ELL2: variants seen among roughly 807,000 people sequenced by gnomAD.
The protein encoded by ELL2 is RNA polymerase II elongation factor ELL2.
A neutral mutation model predicts 72.8 loss-of-function variants in ELL2; 21 were observed. That is an observed-to-expected ratio of 0.29 (90% confidence interval 0.20 to 0.42). The LOEUF (loss-of-function observed/expected upper bound fraction) is 0.42, where lower values mean the gene tolerates loss of function less well. Ranked by LOEUF, ELL2 falls within the 10% of genes least tolerant of loss-of-function variation. ELL2 has a pLI of 1.00. For synonymous variants in ELL2, 266 were observed against 283.2 expected (o/e 0.94, Z 0.61); for missense variants, 568 against 772.8 (o/e 0.73, Z 3.14).
intron 2 of ELL2, among the ~76,000 whole-genome samples, chr5:95,939,762 T>C (rs1750903567): frequency 6.6e-6 from 1 of 152,234 alleles, no homozygotes; most frequent in African/African-American, 2.4e-5. Context: ...GATCAGTAGA[T>C]ACAACTATCT....
intron 10 of ELL2, among the ~76,000 whole-genome samples, chr5:95,890,630 C>A (rs1452711994): frequency 2.6e-5 from 4 of 152,168 alleles, no homozygotes; most frequent in African/African-American, 9.7e-5. Context: ...AAGCAGCAAA[C>A]TTCTTTACTT....
At chr5:95,934,702 A>G (rs542975641) in intron 2 of ELL2, among the ~76,000 whole-genome samples, 1 of 152,344 alleles carries the variant, frequency 6.6e-6, no homozygotes, top group African/African-American at 2.4e-5. Context: ...CTAGCTCTAG[A>G]TAACAAGACC....
Position 95,919,594 on chromosome 5 carries a change from T to C in ELL2, c.196-49A>G, listed in dbSNP as rs974191138. ...AACGCCTCAAATTATAAATTTGCCATAGAAAAGTCTTAAGACTGACTTACT... is the reference window on the plus strand; with the variant it reads ...AACGCCTCAAATTATAAATTTGCCACAGAAAAGTCTTAAGACTGACTTACT... On this transcript the variant is annotated intron_variant, in intron 2 of 11. Transcript: ENST00000237853. 4 of 1,521,536 alleles carry C rather than the reference T, an allele frequency of 2.6e-6. No individual in the cohort carries two copies. The African/African-American group carries it at 5.7e-5, about 22-fold the overall frequency. 94.3% of individuals were successfully genotyped at this position (1,521,536 alleles called of 1,614,324 possible). A position where few individuals can be genotyped will look rare whatever the true frequency, so the allele number is the denominator to read the frequency against.
In ELL2 at chr5:95,943,060, A is replaced by G. The variant is rs1479480224; in HGVS notation, c.148-11T>C. On this transcript the variant is annotated splice_polypyrimidine_tract_variant and intron_variant, in intron 1 of 11. Transcript: ENST00000237853. Reference sequence around the variant, plus strand: ...AAAAGGAATTAAATTCTATTAAAAGAAACAAAAGAAACAAACAGGTAAACC... The same window carrying G: ...AAAAGGAATTAAATTCTATTAAAAGGAACAAAAGAAACAAACAGGTAAACC... The G allele has an allele frequency of 2.5e-6, 4 of 1,596,258 alleles. No individual in the cohort carries two copies. Among genetic ancestry groups the G allele is most frequent in the Non-Finnish European group, 3.4e-6 (4 of 1,170,514 alleles).
rs777992127 is a variant in ELL2 at position 95,900,662 on chromosome 5, T to C, written c.954+31A>G. The C allele has an allele frequency of 2.0e-6, 3 of 1,484,138 alleles. No individual in the cohort carries two copies. In the East Asian group the frequency reaches 6.9e-5, roughly 34 times the overall value. 91.9% of individuals were successfully genotyped at this position (1,484,138 alleles called of 1,614,324 possible). A position where few individuals can be genotyped will look rare whatever the true frequency, so the allele number is the denominator to read the frequency against. ...TGATTAGAGGCCCCTAATATCTATG[T>C]CAGGTCTATAATTCTATGTTTATGA... is the stretch of plus-strand genomic sequence containing the variant. On this transcript the variant is annotated intron_variant, in intron 7 of 11. Coordinates refer to ENST00000237853, the MANE Select transcript of ELL2 (RefSeq NM_012081.6).
At chr5:95,914,050 A>G in intron 3 of ELL2, 116 bp from the exon 4 acceptor site, 1 of 818,704 alleles carries the variant, frequency 1.2e-6, no homozygotes, top group Non-Finnish European at 1.7e-6. Flanking sequence ...ATCCTAAAAT[A>G]ACTAATATTA....
At chr5:95,952,012 CA>C (rs1452117921) in intron 1 of ELL2, among the ~76,000 whole-genome samples, 6 of 152,090 alleles carry the variant, frequency 3.9e-5, no homozygotes, top group Admixed American at 6.6e-5. Context: ...GGAGTAAAAT[CA>C]CGAGTTATTT....
At chr5:95,934,080 A>G (rs935099806) in intron 2 of ELL2, among the ~76,000 whole-genome samples, 2 of 152,198 alleles carry the variant, frequency 1.3e-5, no homozygotes, top group East Asian at 1.9e-4. Context: ...ACTGACTTAT[A>G]AATTACCAAC....
chr5:95,926,209 T>C (rs1280583341), intron 2 of ELL2, among the ~76,000 whole-genome samples: 1 of 149,322 alleles, frequency 6.7e-6, no homozygotes, highest in Non-Finnish European at 1.5e-5. Context: ...TCAGCCCAGA[T>C]GTGCAAACCA....
Position 95,942,955 on chromosome 5 carries a change from C to G in ELL2, c.195+47G>C, listed in dbSNP as rs191069529. The G allele has an allele frequency of 1.5e-4, 210 of 1,409,552 alleles. No homozygotes were observed. The African/African-American group carries it at 2.6e-3, about 18-fold the overall frequency. The allele number at this position is 1,409,552 out of a possible 1,614,324, so 87.3% of individuals were successfully genotyped here. On this transcript the variant is annotated intron_variant, in intron 2 of 11. Coordinates refer to ENST00000237853, the MANE Select transcript of ELL2 (RefSeq NM_012081.6). ...AAAACGGATTTTAAAAGTTGAATAGCGTGCAAGAACATTAGATTTGTTTGT... is the reference window on the plus strand; with the variant it reads ...AAAACGGATTTTAAAAGTTGAATAGGGTGCAAGAACATTAGATTTGTTTGT...
At position 95,885,353 on chromosome 5, in the gene ELL2, A is replaced by C. The variant is rs1328301508; in HGVS notation, c.*3518T>G. ...GCATCTCCTGTGGCCTTCAGTTAGT[A>C]GTGCCAGTTAATATTGTTTCTGAAA... On this transcript the variant is annotated 3_prime_UTR_variant, in exon 12 of 12. Transcript: ENST00000237853. 1 of 152,246 alleles carries C rather than the reference A, an allele frequency of 6.6e-6. No individual in the cohort carries two copies. Among genetic ancestry groups the C allele is most frequent in the African/African-American group, 2.4e-5 (1 of 41,460 alleles). 9.4% of individuals were successfully genotyped at this position (152,246 alleles called of 1,614,324 possible).
intron 2 of ELL2, among the ~76,000 whole-genome samples, chr5:95,931,796 T>TAAAAA (rs368583353): frequency 0.033 from 2,377 of 72,466 alleles, 208 homozygotes; most frequent in African/African-American, 0.047. Flanking sequence ...GCCCTATCCA[T>TAAAAA]AAAAAAAAAA....
rs70978197 is a variant in ELL2 at position 95,920,277 on chromosome 5, ATATTTATTTATT to A, written c.196-744_196-733del. ...TGTTATTTTTATTTTTAAATTTTTAATATTTATTTATTTATTTATTTATTTATTTATTTATTT... is the reference window on the plus strand; with the variant it reads ...TGTTATTTTTATTTTTAAATTTTTAATATTTATTTATTTATTTATTTATTT... On this transcript the variant is annotated intron_variant, in intron 2 of 11. Transcript: ENST00000237853. Among the ~76,000 whole-genome samples the A allele has an allele frequency of 6.7e-3, 910 of 135,254 alleles. 11 individuals are homozygous for A. The highest frequency in any genetic ancestry group is 0.022 in the East Asian group (105 of 4,780). The allele number at this position is 135,254 out of a possible 152,430, so 88.7% of individuals were successfully genotyped here.
intron 2 of ELL2, among the ~76,000 whole-genome samples, chr5:95,927,410 T>C (rs538337798): frequency 0.018 from 750 of 42,800 alleles, 233 homozygotes; most frequent in Non-Finnish European, 0.022. Flanking sequence ...TACACACACG[T>C]GTGTATATAG....
intron 1 of ELL2, among the ~76,000 whole-genome samples, chr5:95,953,132 A>C (rs1470141066): frequency 1.3e-5 from 2 of 152,222 alleles, no homozygotes; most frequent in Non-Finnish European, 2.9e-5. Flanking sequence ...CTCTTTGAAC[A>C]CAGACTTTAT....
At chr5:95,908,960 G>T (rs923008334) in intron 4 of ELL2, among the ~76,000 whole-genome samples, 4 of 152,216 alleles carry the variant, frequency 2.6e-5, no homozygotes, top group Non-Finnish European at 5.9e-5. Context: ...ATGAATTCAA[G>T]CAGCAAGGCA....
chr5:95,888,856 G>A lies in ELL2; in HGVS notation c.*15C>T. 6.5e-7 allele frequency: 1 copy of A among 1,539,628 alleles called. No homozygotes were observed. Among genetic ancestry groups the A allele is most frequent in the Non-Finnish European group, 8.8e-7 (1 of 1,134,426 alleles). ...AAGCTTAAGTTTATTCACATCTTCTGGTCCAAGCAGAGTTCTAGGACCATG... is the reference window on the plus strand; with the variant it reads ...AAGCTTAAGTTTATTCACATCTTCTAGTCCAAGCAGAGTTCTAGGACCATG... On this transcript the variant is annotated 3_prime_UTR_variant, in exon 12 of 12. Coordinates refer to ENST00000237853, the MANE Select transcript of ELL2 (RefSeq NM_012081.6).
chr5:95,901,600 G>C (rs561781583), intron 5 of ELL2, among the ~76,000 whole-genome samples: 1 of 152,168 alleles, frequency 6.6e-6, no homozygotes, highest in Non-Finnish European at 1.5e-5. Flanking sequence ...ATGCCAACAT[G>C]CTGGCAACAC....
intron 10 of ELL2, among the ~76,000 whole-genome samples, chr5:95,890,020 TG>T (rs758246489): frequency 6.6e-6 from 1 of 152,174 alleles, no homozygotes; most frequent in Non-Finnish European, 1.5e-5. Flanking sequence ...ATTTTATGGA[TG>T]GGGAATTCAA....
Sources: gnomAD v4.1 joint callset for allele counts (sites outside exome capture counted in the v4.1 genomes callset) on GRCh38, gnomAD v4.1.1 for gene constraint, MANE v1.5 for transcripts, NCBI Gene and HGNC (gene_info 2026-07-23, HGNC 2026-07-21) for gene names.